SLCO3A1: variants seen among roughly 807,000 people sequenced by gnomAD.
SLCO3A1 encodes PGE1 transporter.
In SLCO3A1, 27 loss-of-function variants were observed where a neutral mutation model predicts 63.1. The ratio of observed to expected loss-of-function variants is 0.43; its 90% CI spans 0.32 to 0.59. The LOEUF is 0.59. Ranked by LOEUF, SLCO3A1 falls within the 20% of genes least tolerant of loss-of-function variation. The probability of loss-of-function intolerance (pLI) is 0.09; values close to 1 mark genes in which losing one functional copy is unlikely to be tolerated. For synonymous variants in SLCO3A1, 473 were observed against 409.9 expected, an observed-to-expected ratio of 1.15 and a Z score of -1.86; for missense variants, 773 against 945.8, an observed-to-expected ratio of 0.82 and a Z score of 2.40.
At chr15:91,913,141 C>G (rs1175727707) in intron 1 of SLCO3A1, among the ~76,000 whole-genome samples, 1 of 152,228 alleles carries the variant, frequency 6.6e-6, no homozygotes, top group African/African-American at 2.4e-5. Context: ...CGGCAAACAC[C>G]TGGTGTTTTA....
chr15:92,129,111 C>T (rs2047962041), intron 7 of SLCO3A1, among the ~76,000 whole-genome samples: 1 of 152,190 alleles, frequency 6.6e-6, no homozygotes, highest in African/African-American at 2.4e-5. Flanking sequence ...GCTGATCCCA[C>T]CTTCCAGGAG....
chr15:91,927,807 G>A (rs75814599), intron 2 of SLCO3A1, among the ~76,000 whole-genome samples: 4,378 of 152,280 alleles, frequency 0.029, 95 homozygotes, highest in Admixed American at 0.05. Context: ...TCAGCAAGAG[G>A]TCTCATTAAC....
chr15:92,100,767 A>G (rs1377268338), intron 3 of SLCO3A1, among the ~76,000 whole-genome samples: 1 of 152,202 alleles, frequency 6.6e-6, no homozygotes, highest in African/African-American at 2.4e-5. Context: ...GGTAACAAAC[A>G]GCTCCCAACT....
intron 2 of SLCO3A1, among the ~76,000 whole-genome samples, chr15:91,978,210 C>A (rs1244501455): frequency 6.6e-6 from 1 of 152,128 alleles, no homozygotes; most frequent in Non-Finnish European, 1.5e-5. Context: ...AGGTCTTTTC[C>A]CCCCTGTAAA....
intron 1 of SLCO3A1, among the ~76,000 whole-genome samples, chr15:91,906,880 A>G (rs1237792996): frequency 6.6e-6 from 1 of 152,134 alleles, no homozygotes; most frequent in African/African-American, 2.4e-5. Flanking sequence ...AGAGCTACAG[A>G]GAAAAATCAA....
At chr15:92,031,920 C>A (rs1296141054) in intron 2 of SLCO3A1, among the ~76,000 whole-genome samples, 1 of 152,126 alleles carries the variant, frequency 6.6e-6, no homozygotes. Context: ...GTGGACCGTG[C>A]CACTCACTAG....
At position 91,883,491 on chromosome 15, in the gene SLCO3A1, G is replaced by A. The variant is rs1310592406; in HGVS notation, c.180+29403G>A. On this transcript the variant is annotated intron_variant, in intron 1 of 9. Coordinates refer to ENST00000318445, the MANE Select transcript of SLCO3A1 (RefSeq NM_013272.4). The surrounding 1 kb of genome is among the most constrained non-coding windows in gnomAD (Gnocchi z 4.8). ...GATGTACCTCGCACTGACTGGCTGG[G>A]GCCCTTCATCCTTTGCATTTTCTTG... 6.6e-6 allele frequency among the ~76,000 whole-genome samples: 1 copy of A among 152,134 alleles called. No homozygotes were observed.
intron 3 of SLCO3A1, among the ~76,000 whole-genome samples, chr15:92,098,560 G>A (rs117977215): frequency 0.027 from 4,171 of 152,236 alleles, 92 homozygotes; most frequent in Admixed American, 0.048. Context: ...TCACTGCCTT[G>A]GCCAACCTTA....
At position 92,146,054 on chromosome 15, in the gene SLCO3A1, C is replaced by T. The variant is rs187726171; in HGVS notation, c.1513-930C>T. Among the ~76,000 whole-genome samples, 35 of 152,236 alleles carry T rather than the reference C, an allele frequency of 2.3e-4. 1 individual carries two copies. Among genetic ancestry groups the T allele is most frequent in the Admixed American group, 5.2e-4 (8 of 15,292 alleles). Reference sequence around the variant, plus strand: ...TTATTTGACCCTCAGGAGGATTTACCTGGGCATGTGCTCTGAAAGCCAAGC... The same window carrying T: ...TTATTTGACCCTCAGGAGGATTTACTTGGGCATGTGCTCTGAAAGCCAAGC... On this transcript the variant is annotated intron_variant, in intron 7 of 9. Coordinates refer to ENST00000318445, the MANE Select transcript of SLCO3A1 (RefSeq NM_013272.4).
intron 2 of SLCO3A1, among the ~76,000 whole-genome samples, chr15:92,071,926 C>G (rs1197607429): frequency 6.6e-6 from 1 of 152,186 alleles, no homozygotes; most frequent in Non-Finnish European, 1.5e-5. Context: ...GTAACTTGCA[C>G]TAGAACCTAA....
At chr15:91,936,712 G>A (rs1775684639) in intron 2 of SLCO3A1, among the ~76,000 whole-genome samples, 1 of 152,188 alleles carries the variant, frequency 6.6e-6, no homozygotes, top group Non-Finnish European at 1.5e-5. Context: ...GTTTCTCCAA[G>A]GTGAAGGCTG....
intron 1 of SLCO3A1, among the ~76,000 whole-genome samples, chr15:91,877,818 C>A (rs903609800): frequency 6.6e-6 from 1 of 152,028 alleles, no homozygotes; most frequent in Non-Finnish European, 1.5e-5. Flanking sequence ...AATGAACCTA[C>A]AAAAAAATCT....
chr15:91,983,532 A>G (rs1463205664), intron 2 of SLCO3A1, among the ~76,000 whole-genome samples: 1 of 152,316 alleles, frequency 6.6e-6, no homozygotes, highest in Admixed American at 6.5e-5. Context: ...CAGATTGAGA[A>G]CTGAAATCCA....
chr15:91,999,481 G>A (rs2046228309), intron 2 of SLCO3A1, among the ~76,000 whole-genome samples: 1 of 152,154 alleles, frequency 6.6e-6, no homozygotes, highest in Non-Finnish European at 1.5e-5. Flanking sequence ...AATGGGTAAT[G>A]AGCATAAAAA....
intron 2 of SLCO3A1, among the ~76,000 whole-genome samples, chr15:92,058,056 G>T (rs2047042514): frequency 6.6e-6 from 1 of 152,194 alleles, no homozygotes; most frequent in South Asian, 2.1e-4. Context: ...TGGTCACACA[G>T]CGGGTAAGGG....
rs1325294242 is a variant in SLCO3A1, at chr15:91,856,106, G to A, written c.180+2018G>A. Among the ~76,000 whole-genome samples the A allele has an allele frequency of 6.6e-6, 1 of 151,990 alleles. No homozygotes were observed. Among genetic ancestry groups the A allele is most frequent in the Non-Finnish European group, 1.5e-5 (1 of 67,988 alleles). ...GAGGCAGGGCTGGCCCCAGGAGATA[G>A]GAGGTTGACTTTAATCCCAGAACAG... is the stretch of plus-strand genomic sequence containing the variant. On this transcript the variant is annotated intron_variant, in intron 1 of 9. Coordinates refer to ENST00000318445, the MANE Select transcript of SLCO3A1 (RefSeq NM_013272.4). This position sits in a 1 kb window ranked among gnomAD's most constrained non-coding sequence, Gnocchi z 4.9.
chr15:91,992,909 C>T lies in SLCO3A1; in HGVS notation c.646+76451C>T, dbSNP rs138386077. On this transcript the variant is annotated intron_variant, in intron 2 of 9. Transcript: ENST00000318445. ...TGGCATTTCCCCATATCTGAACTCTCTGGCATGGATCTGTTGTGAAAAAAG... is the reference window on the plus strand; with the variant it reads ...TGGCATTTCCCCATATCTGAACTCTTTGGCATGGATCTGTTGTGAAAAAAG... 5.2e-3 allele frequency among the ~76,000 whole-genome samples: 791 copies of T among 152,320 alleles called. 7 individuals carry two copies. Among genetic ancestry groups the T allele is most frequent in the Middle Eastern group, 0.02 (6 of 294 alleles).
intron 9 of SLCO3A1, among the ~76,000 whole-genome samples, chr15:92,152,299 T>A (rs2048316312): frequency 1.3e-5 from 2 of 152,238 alleles, no homozygotes; most frequent in Admixed American, 1.3e-4. Context: ...TCTCCTCACC[T>A]TCCTTCTCCG....
At chr15:91,936,145 T>C (rs1199996853) in intron 2 of SLCO3A1, among the ~76,000 whole-genome samples, 1 of 152,210 alleles carries the variant, frequency 6.6e-6, no homozygotes, top group Non-Finnish European at 1.5e-5. Flanking sequence ...TTATTAGAGA[T>C]GCTGTAACGA....
Sources: gnomAD v4.1 joint callset for allele counts (sites outside exome capture counted in the v4.1 genomes callset) on GRCh38, gnomAD v4.1.1 for gene constraint, Gnocchi (gnomAD v3.1) non-coding constraint, MANE v1.5 for transcripts, NCBI Gene and HGNC (gene_info 2026-07-23, HGNC 2026-07-21) for gene names.